NTM: variants seen among roughly 807,000 people sequenced by gnomAD.
NTM encodes the protein IgLON family member 2.
Under a neutral mutation model 42.1 loss-of-function variants are expected in NTM, and 13 were observed. The observed-to-expected ratio is 0.31, with a 90% CI of 0.20 to 0.49. The LOEUF (loss-of-function observed/expected upper bound fraction) is 0.49, where lower values mean the gene tolerates loss of function less well. NTM is among the 20% of genes least tolerant of loss of function. The pLI is 0.99. For synonymous variants in NTM, 187 were observed against 179.2 expected (o/e 1.04, Z -0.35); for missense variants, 373 against 452.8 (o/e 0.82, Z 1.60).
chr11:131,959,684 C>G (rs2061931346), intron 2 of NTM, among the ~76,000 whole-genome samples: 2 of 152,274 alleles, frequency 1.3e-5, no homozygotes, highest in Non-Finnish European at 2.9e-5. Context: ...TAAACCACCT[C>G]ATCAACCACT....
At chr11:131,858,915 C>T (rs557427256) in intron 1 of NTM, among the ~76,000 whole-genome samples, 107 of 152,286 alleles carry the variant, frequency 7.0e-4, no homozygotes, top group African/African-American at 2.1e-3. Flanking sequence ...GTTTTAAATG[C>T]GGAAGTAGCT....
intron 1 of NTM, among the ~76,000 whole-genome samples, chr11:131,494,690 T>TG (rs1955150420): frequency 6.6e-6 from 1 of 152,128 alleles, no homozygotes; most frequent in Non-Finnish European, 1.5e-5. Context: ...CATCTATCCA[T>TG]GAAAAAAAAA....
intron 2 of NTM, among the ~76,000 whole-genome samples, chr11:131,988,773 C>T (rs966415204): frequency 6.6e-6 from 1 of 152,166 alleles, no homozygotes; most frequent in Admixed American, 6.5e-5. Flanking sequence ...AGGTAGGCAG[C>T]TGAGCTTACA....
At chr11:131,547,420 C>T (rs1355881496) in intron 1 of NTM, among the ~76,000 whole-genome samples, 8 of 152,192 alleles carry the variant, frequency 5.3e-5, no homozygotes, top group Admixed American at 5.2e-4. Context: ...CGATCTTCAA[C>T]GTCTTGCACG....
At chr11:131,436,915 G>A (rs924747516) in intron 1 of NTM, among the ~76,000 whole-genome samples, 1 of 152,130 alleles carries the variant, frequency 6.6e-6, no homozygotes, top group Admixed American at 6.5e-5. Context: ...TCTCTTGTGG[G>A]CATTTAGTGG....
intron 1 of NTM, among the ~76,000 whole-genome samples, chr11:131,474,153 C>T (rs941772754): frequency 3.9e-5 from 6 of 152,082 alleles, no homozygotes; most frequent in Non-Finnish European, 7.4e-5. Flanking sequence ...AAATAATGAC[C>T]TCCTGTCCAG....
chr11:131,657,041 C>CGGGGA, intron 1 of NTM, among the ~76,000 whole-genome samples: 1 of 150,846 alleles, frequency 6.6e-6, no homozygotes, highest in East Asian at 2.0e-4. Context: ...GCATTGTTAG[C>CGGGGA]GGGGAGGAAG....
chr11:131,690,719 G>A (rs367734634), intron 1 of NTM, among the ~76,000 whole-genome samples: 1 of 152,250 alleles, frequency 6.6e-6, no homozygotes, highest in Non-Finnish European at 1.5e-5. Flanking sequence ...AAGGCAGGAC[G>A]TGGGTGCTAA....
At chr11:132,320,739 A>T (rs2095544819) in intron 7 of NTM, among the ~76,000 whole-genome samples, 2 of 151,842 alleles carry the variant, frequency 1.3e-5, no homozygotes. Flanking sequence ...AGACAAACAA[A>T]AAGACAGCAG....
At chr11:132,114,798 G>T (rs2063666572) in intron 2 of NTM, among the ~76,000 whole-genome samples, 1 of 152,058 alleles carries the variant, frequency 6.6e-6, no homozygotes, top group Non-Finnish European at 1.5e-5. Flanking sequence ...TAGGCTCCAG[G>T]GGCATAGACA....
intron 1 of NTM, among the ~76,000 whole-genome samples, chr11:131,830,473 C>T (rs773557897): frequency 1.3e-5 from 2 of 152,092 alleles, no homozygotes; most frequent in Non-Finnish European, 2.9e-5. Context: ...GATCAGATGG[C>T]TGTAGGTGTG....
intron 1 of NTM, among the ~76,000 whole-genome samples, chr11:131,749,736 T>G (rs563157210): frequency 2.0e-5 from 3 of 152,192 alleles, no homozygotes; most frequent in African/African-American, 4.8e-5. Flanking sequence ...GTAGCTGGGA[T>G]GACAGGTGCC....
At chr11:132,039,720 A>G (rs958059505) in intron 2 of NTM, among the ~76,000 whole-genome samples, 3 of 152,144 alleles carry the variant, frequency 2.0e-5, no homozygotes, top group African/African-American at 7.2e-5. Context: ...GCAGGCACCA[A>G]GGCAGGTGTG....
At chr11:132,162,488 G>A (rs1338060447) in intron 3 of NTM, among the ~76,000 whole-genome samples, 1 of 146,056 alleles carries the variant, frequency 6.8e-6, no homozygotes, top group East Asian at 2.1e-4. Context: ...AAGTGTGGAT[G>A]GGGGGAGTGT....
chr11:131,654,278 A>G (rs939762934), intron 1 of NTM, among the ~76,000 whole-genome samples: 16 of 152,200 alleles, frequency 1.1e-4, no homozygotes, highest in African/African-American at 3.9e-4. Context: ...GCGCAGCCCT[A>G]GAATGTCAAG....
At chr11:132,015,556 C>A (rs76267413) in intron 2 of NTM, among the ~76,000 whole-genome samples, 5,164 of 151,826 alleles carry the variant, frequency 0.034, 292 homozygotes, top group African/African-American at 0.12. Flanking sequence ...TTTCTGACAT[C>A]TTTAACTTTT....
In NTM at chr11:132,146,822, TTTTTG is replaced by T. The variant is rs975791105; in HGVS notation, c.400+328_400+332del. The T allele has an allele frequency of 4.0e-5, 15 of 377,888 alleles. No homozygotes were observed. Among genetic ancestry groups the T allele is most frequent in the East Asian group, 9.3e-5 (2 of 21,572 alleles). 23.4% of individuals were successfully genotyped at this position (377,888 alleles called of 1,614,324 possible). A position where few individuals can be genotyped will look rare whatever the true frequency, so the allele number is the denominator to read the frequency against. ...GTTTTAGTTATTTTTGTTTGTTTGT[TTTTTG>T]TTTTGTTTTGTTTTGTTTTTTAGAT... On this transcript the variant is annotated intron_variant, in intron 3 of 8. Transcript: ENST00000683400. This position sits in a 1 kb window ranked among gnomAD's most constrained non-coding sequence, Gnocchi z 4.5.
intron 3 of NTM, among the ~76,000 whole-genome samples, chr11:132,209,556 A>T (rs1211803466): frequency 6.6e-6 from 1 of 152,248 alleles, no homozygotes; most frequent in Non-Finnish European, 1.5e-5. Flanking sequence ...TTAAATGAGG[A>T]TCTTTTCAAA....
intron 1 of NTM, among the ~76,000 whole-genome samples, chr11:131,506,083 G>GT (rs1698547357): frequency 6.6e-6 from 1 of 152,122 alleles, no homozygotes; most frequent in Admixed American, 6.6e-5. Flanking sequence ...AGAAGAGGAT[G>GT]TAAGAGGTTG....
Sources: gnomAD v4.1 joint callset for allele counts (sites outside exome capture counted in the v4.1 genomes callset) on GRCh38, gnomAD v4.1.1 for gene constraint, Gnocchi (gnomAD v3.1) non-coding constraint, MANE v1.5 for transcripts, NCBI Gene and HGNC (gene_info 2026-07-23, HGNC 2026-07-21) for gene names.